The following PLBD1 variants were observed in gnomAD, a reference collection of about 807,000 sequenced individuals.
PLBD1 encodes the protein phospholipase B domain containing 1, also known as lysosomal leucine aminopeptidase.
PLBD1 carries 60 observed loss-of-function variants against 63.0 expected under a neutral mutation model. The observed-to-expected ratio is 0.95, with a 90% CI of 0.77 to 1.18. PLBD1 has a LOEUF of 1.18. Ranked by LOEUF, PLBD1 falls within the 50% of genes most tolerant of loss-of-function variation. The pLI is 0.00. For missense variants in PLBD1, 598 were observed against 677.9 expected, an observed-to-expected ratio of 0.88 and a Z score of 1.31; for synonymous variants, 262 against 248.0, an observed-to-expected ratio of 1.06 and a Z score of -0.53.
chr12:14,549,537 A>G (rs1486223579), intron 2 of PLBD1, among the ~76,000 whole-genome samples: 1 of 152,102 alleles, frequency 6.6e-6, no homozygotes, highest in African/African-American at 2.4e-5. Context: ...AACCTCGGGC[A>G]CTCTGTGCTC....
intron 6 of PLBD1, among the ~76,000 whole-genome samples, chr12:14,528,383 GCTCT>G (rs573656207): frequency 1.3e-5 from 2 of 152,084 alleles, no homozygotes; most frequent in East Asian, 1.9e-4. Flanking sequence ...TACAGAATAT[GCTCT>G]CTGATCTCAG....
Position 14,524,495 on chromosome 12 carries a change from G to C in PLBD1, c.844+11164C>G, listed in dbSNP as rs116365693. Among the ~76,000 whole-genome samples, 743 of 152,160 alleles carry C rather than the reference G, an allele frequency of 4.9e-3. 6 individuals are homozygous for C. Among genetic ancestry groups the C allele is most frequent in the African/African-American group, 0.017 (719 of 41,490 alleles). On this transcript the variant is annotated intron_variant, in intron 6 of 10. Transcript: ENST00000240617. ...AAATACACATTTCAGAGACACTATG[G>C]TGTGCTATTTTTCAAGTCCACATTT...
chr12:14,565,834 T>A (rs891932293), intron 1 of PLBD1, among the ~76,000 whole-genome samples: 2 of 152,154 alleles, frequency 1.3e-5, no homozygotes, highest in African/African-American at 4.8e-5. Context: ...TAAGTAAGAA[T>A]CCTTTCCAGA....
chr12:14,524,513 C>T (rs898759295), intron 6 of PLBD1, among the ~76,000 whole-genome samples: 19 of 152,096 alleles, frequency 1.2e-4, no homozygotes, highest in Admixed American at 5.9e-4. Context: ...TTTTTCAAGT[C>T]CACATTTCAA....
intron 2 of PLBD1, among the ~76,000 whole-genome samples, chr12:14,542,916 G>A (rs1300179569): frequency 4.0e-5 from 6 of 151,872 alleles, no homozygotes; most frequent in South Asian, 2.1e-4. Flanking sequence ...GCGTGGTGGC[G>A]GGCGCCTGTA....
intron 4 of PLBD1, among the ~76,000 whole-genome samples, chr12:14,539,584 G>C (rs373704351): frequency 6.6e-6 from 1 of 151,656 alleles, no homozygotes; most frequent in Non-Finnish European, 1.5e-5. Flanking sequence ...TCAGGAGTTC[G>C]AGACTAGCCT....
chr12:14,523,616 G>A (rs907472114), intron 6 of PLBD1, among the ~76,000 whole-genome samples: 1 of 152,002 alleles, frequency 6.6e-6, no homozygotes, highest in African/African-American at 2.4e-5. Context: ...GCATAGTACT[G>A]GCATAAAAAT....
chr12:14,564,319 CT>C (rs1565582624), intron 1 of PLBD1, among the ~76,000 whole-genome samples: 2 of 152,054 alleles, frequency 1.3e-5, no homozygotes, highest in South Asian at 4.2e-4. Flanking sequence ...GGATATTAAA[CT>C]TTTTGACAAC....
chr12:14,536,037 C>T (rs3983700), intron 5 of PLBD1: 136,636 of 440,034 alleles, frequency 0.31, 22,829 homozygotes, highest in South Asian at 0.53. Flanking sequence ...GGCTTACGCT[C>T]GAAATCCTAG....
At chr12:14,542,392 T>C (rs1945580084) in intron 2 of PLBD1, 101 bp from the exon 3 acceptor site, 3 of 818,744 alleles carry the variant, frequency 3.7e-6, no homozygotes, top group Non-Finnish European at 6.0e-6. Flanking sequence ...ATGTCCCTTA[T>C]TACAAACTCT....
At chr12:14,550,878 C>CAA (rs778500118) in intron 2 of PLBD1, among the ~76,000 whole-genome samples, 3 of 115,294 alleles carry the variant, frequency 2.6e-5, no homozygotes, top group African/African-American at 9.5e-5. Context: ...AACTCCGTCT[C>CAA]AAAAAAAAAA....
At chr12:14,510,603 G>A (rs547945788) in intron 8 of PLBD1, among the ~76,000 whole-genome samples, 2 of 152,266 alleles carry the variant, frequency 1.3e-5, no homozygotes, top group South Asian at 2.1e-4. Context: ...CCTATATCAC[G>A]ATTCAGTTTT....
chr12:14,540,468 T>C, intron 4 of PLBD1, among the ~76,000 whole-genome samples: 1 of 152,052 alleles, frequency 6.6e-6, no homozygotes, highest in East Asian at 1.9e-4. Flanking sequence ...AAACACTAGT[T>C]TTATCAGATT....
At chr12:14,507,754 G>A (rs1180678477) in intron 8 of PLBD1, among the ~76,000 whole-genome samples, 1 of 152,124 alleles carries the variant, frequency 6.6e-6, no homozygotes, top group African/African-American at 2.4e-5. Flanking sequence ...TAATTCCTTT[G>A]ACTCTAAACA....
chr12:14,511,372 C>T lies in PLBD1; in HGVS notation c.1074G>A (p.Leu358=). Residue 358 remains leucine (L), a synonymous_variant, in exon 8 of 11, where the codon CTG becomes CTA. Transcript: ENST00000240617. The part of the protein sequence containing the change: ...SGTYNNQYMV[L]DLKKVKLNHS... ...GGTTCAGCTTTACTTTCTTCAGGTCCAGAACCATGTATTGATTGTTATAGG... is the reference window on the plus strand; with the variant it reads ...GGTTCAGCTTTACTTTCTTCAGGTCTAGAACCATGTATTGATTGTTATAGG... 3.7e-6 allele frequency: 6 copies of T among 1,613,732 alleles called. No individual in the cohort carries two copies. The highest frequency in any genetic ancestry group is 1.3e-5 in the African/African-American group (1 of 75,026).
intron 6 of PLBD1, among the ~76,000 whole-genome samples, chr12:14,525,459 A>G (rs1294688801): frequency 6.6e-6 from 1 of 152,098 alleles, no homozygotes; most frequent in African/African-American, 2.4e-5. Flanking sequence ...GAGGGAGAAG[A>G]GAGAGAAAAG....
At chr12:14,506,735 GT>G (rs1249338967) in intron 9 of PLBD1, among the ~76,000 whole-genome samples, 197 bp downstream of exon 9, 3 of 151,108 alleles carry the variant, frequency 2.0e-5, no homozygotes, top group Non-Finnish European at 2.9e-5. Flanking sequence ...ATTAAAAAAT[GT>G]ATAGACTCTT....
rs1304696091 is a variant in PLBD1 at position 14,539,446 on chromosome 12, GAT to G, written c.558+1316_558+1317del. ...ATTTATCATCTATATATATTTTTAAGATATATTTTTTAAAATCTACCTTTTTT... is the reference window on the plus strand; with the variant it reads ...ATTTATCATCTATATATATTTTTAAGATATTTTTTAAAATCTACCTTTTTT... On this transcript the variant is annotated intron_variant, in intron 4 of 10. Coordinates refer to ENST00000240617, the MANE Select transcript of PLBD1 (RefSeq NM_024829.6). 2.0e-5 allele frequency among the ~76,000 whole-genome samples: 3 copies of G among 151,444 alleles called. No individual in the cohort carries two copies. In the East Asian group the frequency reaches 5.8e-4, roughly 29 times the overall value.
intron 2 of PLBD1, among the ~76,000 whole-genome samples, chr12:14,549,975 A>G (rs1023586611): frequency 4.6e-5 from 7 of 151,292 alleles, no homozygotes; most frequent in Admixed American, 4.6e-4. Flanking sequence ...GCCACTCCTC[A>G]CTCCTTGTAA....
Sources: gnomAD v4.1 joint callset for allele counts (sites outside exome capture counted in the v4.1 genomes callset) on GRCh38, gnomAD v4.1.1 for gene constraint, MANE v1.5 for transcripts, NCBI Gene and HGNC (gene_info 2026-07-23, HGNC 2026-07-21) for gene names.